Variants in SLC25A20 observed in about 807,000 individuals in gnomAD.
The protein encoded by SLC25A20 is mitochondrial carnitine/acylcarnitine carrier protein.
SLC25A20 carries 29 observed loss-of-function variants against 39.7 expected under a neutral mutation model. The ratio of observed to expected loss-of-function variants is 0.73; its 90% confidence interval spans 0.54 to 1.00. SLC25A20 has a LOEUF of 1.00. Among genes scored for constraint, SLC25A20 ranks in the 50% least tolerant of loss-of-function variants. The pLI is 0.00. For synonymous variants in SLC25A20, 103 were observed against 142.2 expected (o/e 0.72, Z 1.96); for missense variants, 333 against 379.9 (o/e 0.88, Z 1.03).
At chr3:48,890,669 T>C (rs1367154070) in intron 2 of SLC25A20, among the ~76,000 whole-genome samples, 1 of 148,496 alleles carries the variant, frequency 6.7e-6, no homozygotes, top group Non-Finnish European at 1.5e-5. Context: ...TTTTTTTTTT[T>C]TTTGAGATAG....
chr3:48,888,807 C>A (rs949545161), intron 2 of SLC25A20, among the ~76,000 whole-genome samples: 3 of 151,878 alleles, frequency 2.0e-5, no homozygotes, highest in Non-Finnish European at 4.4e-5. Context: ...TATTTTAGGG[C>A]CAGGCGTGGT....
intron 4 of SLC25A20, among the ~76,000 whole-genome samples, chr3:48,869,982 G>T (rs1239171541): frequency 6.6e-6 from 1 of 152,094 alleles, no homozygotes; most frequent in African/African-American, 2.4e-5. Flanking sequence ...GCCAGGTGTG[G>T]TGATACATGT....
intron 1 of SLC25A20, among the ~76,000 whole-genome samples, chr3:48,892,697 G>A (rs2106666451): frequency 6.6e-6 from 1 of 152,260 alleles, no homozygotes; most frequent in South Asian, 2.1e-4. Flanking sequence ...TCAACTGGAT[G>A]AGGTCCACTC....
chr3:48,857,933 GGA>G (rs2083592768), intron 8 of SLC25A20, among the ~76,000 whole-genome samples, 161 bp from the exon 9 acceptor site: 1 of 151,622 alleles, frequency 6.6e-6, no homozygotes, highest in African/African-American at 2.4e-5. Flanking sequence ...ATTTTTAAGA[GGA>G]GAAGAAAATT....
At chr3:48,867,411 A>ATTTTTTT (rs58122933) in intron 4 of SLC25A20, among the ~76,000 whole-genome samples, 1,127 of 108,368 alleles carry the variant, frequency 0.01, 51 homozygotes, top group South Asian at 0.015. Context: ...TGCCTGGGTA[A>ATTTTTTT]TTTTTTTTTT....
At chr3:48,895,050 C>T (rs576061216) in intron 1 of SLC25A20, among the ~76,000 whole-genome samples, 1 of 151,600 alleles carries the variant, frequency 6.6e-6, no homozygotes, top group African/African-American at 2.4e-5. Flanking sequence ...CACTCGTCGC[C>T]CAGGCTGCAC....
rs2083589922 is a variant in SLC25A20, at chr3:48,857,651, C to T, written c.*59G>A. 5.9e-6 allele frequency: 9 copies of T among 1,517,848 alleles called. No homozygotes were observed. Among genetic ancestry groups the T allele is most frequent in the South Asian group, 1.1e-5 (1 of 87,546 alleles). 94.0% of individuals were successfully genotyped at this position (1,517,848 alleles called of 1,614,324 possible). On this transcript the variant is annotated 3_prime_UTR_variant, in exon 9 of 9. Coordinates refer to ENST00000319017, the MANE Select transcript of SLC25A20 (RefSeq NM_000387.6). Reference sequence around the variant, plus strand: ...CAAGACTGCTTAGTTCTGCTTACTACTCCTTCTCCTCAACGACAGCTTCCA... The same window carrying T: ...CAAGACTGCTTAGTTCTGCTTACTATTCCTTCTCCTCAACGACAGCTTCCA...
intron 4 of SLC25A20, among the ~76,000 whole-genome samples, chr3:48,874,128 C>T (rs1478350967): frequency 2.6e-5 from 4 of 151,386 alleles, no homozygotes; most frequent in Admixed American, 1.3e-4. Flanking sequence ...CTTGTCTCTA[C>T]TAAAAATACA....
chr3:48,867,411 A>ATTTTTTTTTTTTTTTTTTTTTTT (rs58122933), intron 4 of SLC25A20, among the ~76,000 whole-genome samples: 2 of 108,388 alleles, frequency 1.8e-5, no homozygotes, highest in Non-Finnish European at 3.6e-5. Flanking sequence ...TGCCTGGGTA[A>ATTTTTTTTTTTTTTTTTTTTTTT]TTTTTTTTTT....
intron 4 of SLC25A20, among the ~76,000 whole-genome samples, chr3:48,877,549 T>C (rs1186284720): frequency 6.6e-6 from 1 of 151,438 alleles, no homozygotes; most frequent in Non-Finnish European, 1.5e-5. Flanking sequence ...GCCAACATGG[T>C]GAAACCCCGT....
chr3:48,890,889 C>A (rs1358307254), intron 2 of SLC25A20, among the ~76,000 whole-genome samples: 3 of 148,150 alleles, frequency 2.0e-5, no homozygotes, highest in Admixed American at 1.3e-4. Flanking sequence ...CTCCTGACCT[C>A]GTGATCCACC....
intron 4 of SLC25A20, among the ~76,000 whole-genome samples, chr3:48,862,972 G>A (rs2083638878): frequency 1.3e-5 from 2 of 152,028 alleles, no homozygotes; most frequent in Admixed American, 6.6e-5. Context: ...CAGGCAGGTC[G>A]CCTGAGGTCA....
At chr3:48,860,300 CAAA>C (rs746290835) in intron 5 of SLC25A20, among the ~76,000 whole-genome samples, 1 of 95,078 alleles carries the variant, frequency 1.1e-5, no homozygotes, top group Non-Finnish European at 2.1e-5. Flanking sequence ...GACTCCATCT[CAAA>C]AAAAAAAAAA....
intron 5 of SLC25A20, among the ~76,000 whole-genome samples, chr3:48,860,300 C>CAAAAAAAA (rs746290835): frequency 1.1e-5 from 1 of 95,088 alleles, no homozygotes; most frequent in Non-Finnish European, 2.1e-5. Flanking sequence ...GACTCCATCT[C>CAAAAAAAA]AAAAAAAAAA....
At chr3:48,895,589 T>C (rs995210264) in intron 1 of SLC25A20, among the ~76,000 whole-genome samples, 1 of 152,210 alleles carries the variant, frequency 6.6e-6, no homozygotes. Flanking sequence ...TCCTTCTATA[T>C]CATCATTTTT....
chr3:48,868,091 C>T (rs1248667471), intron 4 of SLC25A20, among the ~76,000 whole-genome samples: 2 of 150,526 alleles, frequency 1.3e-5, no homozygotes, highest in East Asian at 3.9e-4. Flanking sequence ...AAGAAACAAG[C>T]AGGGCGGCAG....
intron 4 of SLC25A20, among the ~76,000 whole-genome samples, chr3:48,874,036 C>A (rs1027827504): frequency 6.6e-6 from 1 of 150,730 alleles, no homozygotes; most frequent in African/African-American, 2.4e-5. Flanking sequence ...TTCCTATAAT[C>A]CCAGCACTTT....
intron 1 of SLC25A20, chr3:48,895,730 T>C (rs575180056): frequency 1.8e-5 from 8 of 456,244 alleles, no homozygotes; most frequent in East Asian, 1.4e-4. Context: ...TGGGACACAA[T>C]AGAAATGCCC....
At chr3:48,866,292 G>A (rs548432209) in intron 4 of SLC25A20, among the ~76,000 whole-genome samples, 67 of 152,132 alleles carry the variant, frequency 4.4e-4, no homozygotes, top group African/African-American at 1.5e-3. Flanking sequence ...GGCAGCTCAC[G>A]TCTGTAATCC....
Sources: allele counts gnomAD v4.1 joint callset (sites outside exome capture counted in the v4.1 genomes callset), GRCh38; gene constraint gnomAD v4.1.1; transcripts MANE v1.5; gene names NCBI Gene and HGNC (gene_info 2026-07-23, HGNC 2026-07-21).